AGMO: variants seen among roughly 807,000 people sequenced by gnomAD.
AGMO encodes the protein glyceryl-ether monooxygenase.
AGMO carries 75 observed loss-of-function variants against 60.2 expected under a neutral mutation model. That is an observed-to-expected ratio of 1.25 (90% CI 1.03 to 1.51). The LOEUF is 1.51. Ranked by LOEUF, AGMO falls within the 40% of genes most tolerant of loss-of-function variation. AGMO has a pLI of 0.00. For synonymous variants in AGMO, 261 were observed against 177.1 expected (o/e 1.47, Z -3.76); for missense variants, 763 against 525.5 (o/e 1.45, Z -4.42).
chr7:15,220,776 C>T (rs138786577), intron 12 of AGMO, among the ~76,000 whole-genome samples: 129 of 151,964 alleles, frequency 8.5e-4, no homozygotes, highest in Admixed American at 2.5e-3. Context: ...ACAACATATG[C>T]TATTATTATT....
At chr7:15,272,675 T>A (rs1783651760) in intron 12 of AGMO, among the ~76,000 whole-genome samples, 1 of 152,150 alleles carries the variant, frequency 6.6e-6, no homozygotes, top group African/African-American at 2.4e-5. Flanking sequence ...AAATGGTATT[T>A]CTAGTTCTAG....
At chr7:15,392,205 G>A (rs575198541) in intron 6 of AGMO, among the ~76,000 whole-genome samples, 17 of 152,018 alleles carry the variant, frequency 1.1e-4, no homozygotes, top group African/African-American at 3.6e-4. Flanking sequence ...GAGTAGCTGC[G>A]ACCGCAGGTG....
chr7:15,515,856 A>T (rs1041192856), intron 3 of AGMO, among the ~76,000 whole-genome samples: 5 of 152,206 alleles, frequency 3.3e-5, no homozygotes, highest in Non-Finnish European at 7.3e-5. Context: ...GTTGATGAAG[A>T]TGTTTAGTAC....
At chr7:15,189,030 A>C in the AGMO span, among the ~76,000 whole-genome samples, 1 of 152,194 alleles carries the variant, frequency 6.6e-6, no homozygotes, top group Non-Finnish European at 1.5e-5. Flanking sequence ...AGTAGAAGTG[A>C]GATGAAGAAA....
intron 5 of AGMO, among the ~76,000 whole-genome samples, chr7:15,406,251 ACG>A (rs1491196558): frequency 1.4e-5 from 2 of 144,584 alleles, no homozygotes; most frequent in Non-Finnish European, 3.1e-5. Context: ...ACACACACAC[ACG>A]TATATTCCAT....
At chr7:15,466,411 T>C (rs374874963) in intron 3 of AGMO, among the ~76,000 whole-genome samples, 57 of 152,310 alleles carry the variant, frequency 3.7e-4, no homozygotes, top group African/African-American at 1.3e-3. Flanking sequence ...TAGTTAATGT[T>C]ATATGCAACA....
intron 3 of AGMO, among the ~76,000 whole-genome samples, chr7:15,502,772 T>C (rs987136876): frequency 2.0e-5 from 3 of 151,980 alleles, no homozygotes; most frequent in African/African-American, 7.2e-5. Flanking sequence ...ATAGAGAAAA[T>C]TCTTTTCTTT....
At chr7:15,406,876 G>A (rs1177082351) in intron 5 of AGMO, among the ~76,000 whole-genome samples, 6 of 119,220 alleles carry the variant, frequency 5.0e-5, no homozygotes, top group East Asian at 4.5e-4. Context: ...TAGTGACAAC[G>A]GTGCCAGTTC....
intron 3 of AGMO, among the ~76,000 whole-genome samples, chr7:15,531,240 C>CTATATATTCTA (rs1211953190): frequency 7.1e-5 from 6 of 84,852 alleles, no homozygotes; most frequent in African/African-American, 3.0e-4. Context: ...TATATATATT[C>CTATATATTCTA]TATATATTCT....
intron 12 of AGMO, among the ~76,000 whole-genome samples, chr7:15,364,201 G>C (rs1251812754): frequency 6.6e-6 from 1 of 151,792 alleles, no homozygotes; most frequent in East Asian, 1.9e-4. Flanking sequence ...TATTAATAAA[G>C]AATCTTCTGC....
intron 3 of AGMO, among the ~76,000 whole-genome samples, chr7:15,483,223 T>C (rs1782808084): frequency 6.6e-6 from 1 of 152,202 alleles, no homozygotes; most frequent in African/African-American, 2.4e-5. Flanking sequence ...AAAATTATTA[T>C]ATTTATACAA....
At chr7:15,285,979 A>G (rs531009211) in intron 12 of AGMO, among the ~76,000 whole-genome samples, 1 of 152,262 alleles carries the variant, frequency 6.6e-6, no homozygotes, top group East Asian at 1.9e-4. Context: ...TGGGGAAAGG[A>G]CACCTTATTT....
In AGMO at chr7:15,466,795, T is replaced by A. The variant is rs923180858; in HGVS notation, c.410-35687A>T. Among the ~76,000 whole-genome samples the A allele has an allele frequency of 7.6e-4, 115 of 152,294 alleles. 1 individual carries two copies. Among genetic ancestry groups the A allele is most frequent in the African/African-American group, 2.7e-3 (113 of 41,570 alleles). ...TCTCATTTTAAGTACTGTGTCAGCA[T>A]TGGATAAATAAAGGATACAGTTGGT... On this transcript the variant is annotated intron_variant, in intron 3 of 12. Transcript: ENST00000342526.
At chr7:15,483,816 G>C (rs1397526616) in intron 3 of AGMO, among the ~76,000 whole-genome samples, 3 of 151,768 alleles carry the variant, frequency 2.0e-5, no homozygotes, top group East Asian at 3.9e-4. Context: ...TTTTTTTTGA[G>C]GGACTGTGCA....
chr7:15,463,547 C>T (rs780891236), intron 3 of AGMO, among the ~76,000 whole-genome samples: 2 of 152,016 alleles, frequency 1.3e-5, no homozygotes, highest in South Asian at 2.1e-4. Flanking sequence ...TATGTACTTT[C>T]GAGCAAAGAA....
chr7:15,493,374 T>C (rs1177713749), intron 3 of AGMO, among the ~76,000 whole-genome samples: 19 of 115,040 alleles, frequency 1.7e-4, no homozygotes, highest in Non-Finnish European at 3.4e-4. Context: ...TCTTTTTTTT[T>C]TTTTTTTTTT....
chr7:15,283,537 A>T (rs1784024381), intron 12 of AGMO, among the ~76,000 whole-genome samples: 1 of 152,090 alleles, frequency 6.6e-6, no homozygotes. Context: ...AGATATTATA[A>T]TCCTAAATTT....
intron 3 of AGMO, among the ~76,000 whole-genome samples, chr7:15,492,740 T>A (rs1038515749): frequency 1.3e-5 from 2 of 152,036 alleles, no homozygotes; most frequent in African/African-American, 4.8e-5. Context: ...ATGCAATATA[T>A]CCATGTTGAT....
intron 6 of AGMO, among the ~76,000 whole-genome samples, chr7:15,393,333 T>C (rs1362863363): frequency 1.3e-5 from 2 of 152,226 alleles, no homozygotes; most frequent in African/African-American, 4.8e-5. Context: ...AGCATTTACT[T>C]ATGTATTCAT....
Sources: gnomAD v4.1 joint callset for allele counts (sites outside exome capture counted in the v4.1 genomes callset) on GRCh38, gnomAD v4.1.1 for gene constraint, MANE v1.5 for transcripts, NCBI Gene and HGNC (gene_info 2026-07-23, HGNC 2026-07-21) for gene names.